TTN: variants seen among roughly 807,000 people sequenced by gnomAD.
The protein encoded by TTN is titin.
In TTN, 1,525 loss-of-function variants were observed where a neutral mutation model predicts 3,223.0. The ratio of observed to expected loss-of-function variants is 0.47; its 90% CI spans 0.45 to 0.49. The LOEUF is 0.49. Among genes scored for constraint, TTN ranks in the 20% least tolerant of loss-of-function variants. The probability of loss-of-function intolerance (pLI) is 0.00; values close to 1 mark genes in which losing one functional copy is unlikely to be tolerated. For synonymous variants in TTN, 14,094 were observed against 15,161.0 expected, an observed-to-expected ratio of 0.93 and a Z score of 5.17; for missense variants, 40,786 against 43,424.0, an observed-to-expected ratio of 0.94 and a Z score of 5.40.
chr2:178,776,404 CTCTAATTCT>C lies in TTN; in HGVS notation c.5451_5459del (p.Glu1818_Glu1820del). On this transcript the variant is annotated inframe_deletion, in exon 28 of 363. Transcript: ENST00000589042. ...TAAGTGCACCTTCATGAGCCATTCT[CTCTAATTCT>C]TCAATTCTCTGTAAGCCTTTCCTCC... The C allele has an allele frequency of 6.2e-7, 1 of 1,612,138 alleles. No homozygotes were observed. The highest frequency in any genetic ancestry group is 8.5e-7 in the Non-Finnish European group (1 of 1,179,982).
intron 47 of TTN, chr2:178,750,558 G>A (rs1388816294): frequency 6.2e-7 from 1 of 1,612,302 alleles, no homozygotes; most frequent in South Asian, 1.1e-5. Context: ...TCAATTTCTT[G>A]AAGAAATGAA....
At chr2:178,697,802 AT>A (rs1285442431) in intron 112 of TTN, among the ~76,000 whole-genome samples, 2 of 152,180 alleles carry the variant, frequency 1.3e-5, no homozygotes, top group Non-Finnish European at 2.9e-5. Flanking sequence ...TTCATAAAGT[AT>A]TTTTTCTTCA....
At chr2:178,725,270 T>C (rs1019710375) in intron 71 of TTN, 98 bp downstream of exon 71, 19 of 1,275,614 alleles carry the variant, frequency 1.5e-5, no homozygotes, top group African/African-American at 3.0e-5. Flanking sequence ...AGGATAAATA[T>C]AGTTCTAGAA....
rs1291965513 is a variant in TTN at position 178,634,487 on chromosome 2, A to AAATTTGTC, written c.42286_42293dup (p.Phe14098LeufsTer46). 1 of 1,613,308 alleles carries AAATTTGTC rather than the reference A, an allele frequency of 6.2e-7. No individual in the cohort carries two copies. Among genetic ancestry groups the AAATTTGTC allele is most frequent in the Admixed American group, 1.7e-5 (1 of 59,982 alleles). On this transcript the variant is annotated frameshift_variant, in exon 230 of 363. Transcript: ENST00000589042. LOFTEE classifies it high-confidence loss of function. The surrounding 1 kb of genome is among the most constrained non-coding windows in gnomAD (Gnocchi z 4.6). Reference sequence around the variant, plus strand: ...GTTTCTTTCCATCAGCGATGATATCAAATTTGTCAGATGACTTAATTATAT... The same window carrying AAATTTGTC: ...GTTTCTTTCCATCAGCGATGATATCAAATTTGTCAATTTGTCAGATGACTTAATTATAT...
chr2:178,558,907 A>C, intron 326 of TTN: 1 of 465,382 alleles, frequency 2.1e-6, no homozygotes, highest in East Asian at 4.1e-5. Context: ...CATGGGGATA[A>C]AAAAGAGGAA....
rs1708888028 is a variant in TTN at position 178,573,237 on chromosome 2, C to T, written c.72895G>A (p.Ala24299Thr). Residue 24299 changes from alanine (A) to threonine (T), a missense_variant, in exon 326 of 363, where the codon GCT (alanine) becomes ACT (threonine). Ala to Thr is a moderately conservative substitution (Grantham distance 58). Transcript: ENST00000589042. ...EGHEYEFRIM[A>T]ENAAGISAPS... ...GCACTAATTCCAGCAGCATTTTCAG[C>T]CATAATCCTGAACTCATATTCATGT... The T allele has an allele frequency of 1.2e-6, 2 of 1,606,612 alleles. 1 individual carries two copies. The highest frequency in any genetic ancestry group is 2.2e-5 in the South Asian group (2 of 89,986).
In TTN at chr2:178,592,235, C is replaced by G. The variant is rs751739372; in HGVS notation, c.59669G>C (p.Arg19890Thr). The G allele has an allele frequency of 3.7e-6, 6 of 1,611,392 alleles. No homozygotes were observed. Among genetic ancestry groups the G allele is most frequent in the Non-Finnish European group, 2.5e-6 (3 of 1,178,804 alleles). Reference protein sequence around the residue: ...PPRDLEVSEIRKDSCYLTWKE... With the variant: ...PPRDLEVSEITKDSCYLTWKE... ...CCAAGTAAGGTAACATGAATCTTTC[C>G]TAATTTCACTGACTTCCAGATCTCT... The change falls in exon 302 of 363, where the codon AGG becomes ACG. Residue 19890 changes from arginine to threonine, a missense_variant. Transcript: ENST00000589042.
Position 178,546,003 on chromosome 2 carries a change from C to A in TTN, c.95233G>T (p.Val31745Leu). The A allele has an allele frequency of 6.2e-7, 1 of 1,613,816 alleles. No homozygotes were observed. ...DGGAEITHYIVERRETSRLNW... is the reference protein window; with the variant it reads ...DGGAEITHYILERRETSRLNW... ...AGCCTGCTAGTCTCGCGTCTTTCCA[C>A]GATGTAGTGAGTGATTTCTGCTCCT... is the stretch of plus-strand genomic sequence containing the variant. The change falls in exon 343 of 363, where the codon GTG becomes TTG. Residue 31745 changes from valine (V) to leucine (L), a missense_variant. By Grantham distance (32) the Val-to-Leu change is conservative. Coordinates refer to ENST00000589042, the MANE Select transcript of TTN (RefSeq NM_001267550.2).
At position 178,610,220 on chromosome 2, in the gene TTN, G is replaced by A; in HGVS notation, c.51306C>T (p.Asn17102=). 6.2e-7 allele frequency: 1 copy of A among 1,612,980 alleles called. No homozygotes were observed. The highest frequency in any genetic ancestry group is 1.7e-4 in the Middle Eastern group (1 of 6,052). ...GATCCTTCACAGTCCATGACAGTTT[G>A]TTCTCACCAGACATGACTGGTATAT... ...RTYIPVMSGE[N]KLSWTVKDLI... is the part of the protein sequence containing the mutation. The change falls in exon 271 of 363, where the codon AAC becomes AAT. Residue 17102 remains asparagine, a synonymous_variant. Coordinates refer to ENST00000589042, the MANE Select transcript of TTN (RefSeq NM_001267550.2).
In TTN at chr2:178,534,089, G is replaced by A; in HGVS notation, c.102526C>T (p.Gln34176Ter). The A allele has an allele frequency of 6.2e-7, 1 of 1,613,956 alleles. No homozygotes were observed. Among genetic ancestry groups the A allele is most frequent in the Non-Finnish European group, 8.5e-7 (1 of 1,179,858 alleles). ...TCGTATTTCTCACTGTTCTCCAGCT[G>A]TCGGACGCCAAAGTACCAAGTCACT... ...TQVTWYFGVR[Q>*]LENSEKYEIT... Residue 34176 changes from glutamine (Q) to a stop codon, truncating the protein, a stop_gained, in exon 358 of 363, where the codon CAG becomes TAG. Coordinates refer to ENST00000589042, the MANE Select transcript of TTN (RefSeq NM_001267550.2). LOFTEE classifies it high-confidence loss of function.
At position 178,607,575 on chromosome 2, in the gene TTN, C is replaced by T; in HGVS notation, c.53113G>A (p.Val17705Ile). The T allele has an allele frequency of 1.9e-6, 3 of 1,613,208 alleles. No individual in the cohort carries two copies. The highest frequency in any genetic ancestry group is 1.1e-5 in the South Asian group (1 of 91,070). The change falls in exon 277 of 363, where the codon GTA (valine) becomes ATA (isoleucine). Residue 17705 changes from valine to isoleucine, a missense_variant. By Grantham distance (29) the Val-to-Ile change is conservative. Transcript: ENST00000589042. ...AGCTCCCCTTCTTCTTTGGTCCATACTTTTGTAGGTACAGGGCGACCAGTC... is the reference window on the plus strand; with the variant it reads ...AGCTCCCCTTCTTCTTTGGTCCATATTTTTGTAGGTACAGGGCGACCAGTC... ...VVTGRPVPTKVWTKEEGELDK... is the reference protein window; with the variant it reads ...VVTGRPVPTKIWTKEEGELDK...
At position 178,614,941 on chromosome 2, in the gene TTN, G is replaced by A. The variant is rs1277093025; in HGVS notation, c.48666C>T (p.Gly16222=). The part of the protein sequence containing the change: ...TKMEVTGLEE[G]KWYAYRVKAL... ...CCTTCACGCGGTAGGCATACCATTTGCCTTCCTCAAGACCTGTCACTTCCA... is the reference window on the plus strand; with the variant it reads ...CCTTCACGCGGTAGGCATACCATTTACCTTCCTCAAGACCTGTCACTTCCA... The change falls in exon 260 of 363, where the codon GGC becomes GGT. Residue 16222 remains glycine, a synonymous_variant. Coordinates refer to ENST00000589042, the MANE Select transcript of TTN (RefSeq NM_001267550.2). 6.3e-7 allele frequency: 1 copy of A among 1,597,136 alleles called. No homozygotes were observed. Among genetic ancestry groups the A allele is most frequent in the Non-Finnish European group, 8.5e-7 (1 of 1,171,034 alleles).
Position 178,666,855 on chromosome 2 carries a change from A to G in TTN, c.35844T>C (p.Ile11948=), listed in dbSNP as rs1182927069. ...GTGATGGTGTTTTTCTTCTTTTAAC[A>G]ATAGGAGTTTCTCCCTCTGGAATGA... The part of the protein sequence containing the change: ...KEVIPEGETP[I]VKRRKTPSPT... Residue 11948 remains isoleucine, a synonymous_variant, in exon 163 of 363, where the codon ATT becomes ATC. Coordinates refer to ENST00000589042, the MANE Select transcript of TTN (RefSeq NM_001267550.2). 1 of 1,573,234 alleles carries G rather than the reference A, an allele frequency of 6.4e-7. No homozygotes were observed. Among genetic ancestry groups the G allele is most frequent in the Non-Finnish European group, 8.6e-7 (1 of 1,158,626 alleles).
intron 115 of TTN, 35 bp downstream of exon 115, chr2:178,695,313 T>A (rs767411860): frequency 1.5e-5 from 23 of 1,544,896 alleles, no homozygotes; most frequent in Non-Finnish European, 2.0e-5. Context: ...ATGATGTTGA[T>A]GCTCTAGTCT....
At chr2:178,755,555 G>C (rs2086693225) in intron 46 of TTN, among the ~76,000 whole-genome samples, 1 of 152,124 alleles carries the variant, frequency 6.6e-6, no homozygotes, top group Non-Finnish European at 1.5e-5. Context: ...CCTGGCCTCA[G>C]CCTCCTGAGT....
At position 178,564,927 on chromosome 2, in the gene TTN, G is replaced by A. The variant is rs770542451; in HGVS notation, c.81205C>T (p.Pro27069Ser). 7 of 1,612,246 alleles carry A rather than the reference G, an allele frequency of 4.3e-6. No homozygotes were observed. Among genetic ancestry groups the A allele is most frequent in the Non-Finnish European group, 5.9e-6 (7 of 1,179,268 alleles). The change falls in exon 326 of 363, where the codon CCA becomes TCA. Residue 27069 changes from proline to serine, a missense_variant. Coordinates refer to ENST00000589042, the MANE Select transcript of TTN (RefSeq NM_001267550.2). ...CCAGGTGGTCCAGGTTCTTTAAATG[G>A]ATATTGTACAATAACTGCCTTAGAA... ...LDSKAVIVQY[P>S]FKEPGPPGTP...
rs183503760 is a variant in TTN at position 178,712,779 on chromosome 2, A to G, written c.27246T>C (p.Asp9082=). ...SVAELELFDV[D]TSQSGEYTCI... is the part of the protein sequence containing the mutation. ...AAGTATATTCTCCACTTTGTGATGT[A>G]TCTACATCGAACAACTCCAGTTCAG... The change falls in exon 94 of 363, where the codon GAT becomes GAC. Residue 9082 remains aspartate (D), a synonymous_variant. Transcript: ENST00000589042. 9.3e-6 allele frequency: 15 copies of G among 1,613,830 alleles called. 1 individual carries two copies. The East Asian group carries it at 2.7e-4, about 29-fold the overall frequency.
rs771364277 is a variant in TTN at position 178,605,025 on chromosome 2, A to C, written c.54152T>G (p.Leu18051Arg). Residue 18051 changes from leucine to arginine, a missense_variant, in exon 280 of 363, where the codon CTT becomes CGT. Physicochemically the swap from Leu to Arg is moderately radical, Grantham distance 102. Transcript: ENST00000589042. ...GTGAACATTTCGGAACACTGAGCCAAGGCGATTGGAAGCAGTAACTGTGTA... is the reference window on the plus strand; with the variant it reads ...GTGAACATTTCGGAACACTGAGCCACGGCGATTGGAAGCAGTAACTGTGTA... ...GTYTVTASNR[L>R]GSVFRNVHVE... 1.2e-6 allele frequency: 2 copies of C among 1,606,020 alleles called. No individual in the cohort carries two copies. Among genetic ancestry groups the C allele is most frequent in the Non-Finnish European group, 1.7e-6 (2 of 1,175,042 alleles).
Position 178,526,794 on chromosome 2 carries a change from G to C in TTN, c.*218C>G. On this transcript the variant is annotated 3_prime_UTR_variant, in exon 363 of 363. Coordinates refer to ENST00000589042, the MANE Select transcript of TTN (RefSeq NM_001267550.2). ...TACAAAACTTTATAACCGTTAATCCGGCTATATACAGTATGTACATGTCAC... is the reference window on the plus strand; with the variant it reads ...TACAAAACTTTATAACCGTTAATCCCGCTATATACAGTATGTACATGTCAC... 2.4e-6 allele frequency: 1 copy of C among 418,952 alleles called. No individual in the cohort carries two copies. The allele number at this position is 418,952 out of a possible 1,614,324, so 26.0% of individuals were successfully genotyped here.
Sources: gnomAD v4.1 joint callset for allele counts (sites outside exome capture counted in the v4.1 genomes callset) on GRCh38, gnomAD v4.1.1 for gene constraint, Gnocchi (gnomAD v3.1) non-coding constraint, MANE v1.5 for transcripts, NCBI Gene and HGNC (gene_info 2026-07-23, HGNC 2026-07-21) for gene names.